Variants in KLHL29 observed in about 807,000 individuals in gnomAD.
The protein encoded by KLHL29 is kelch-like protein 29.
In KLHL29, 21 loss-of-function variants were observed where a neutral mutation model predicts 80.4. The ratio of observed to expected loss-of-function variants is 0.26; its 90% CI spans 0.19 to 0.38. The LOEUF (loss-of-function observed/expected upper bound fraction) is 0.38. Among genes scored for constraint, KLHL29 ranks in the 10% least tolerant of loss-of-function variants. The probability of loss-of-function intolerance (pLI) is 1.00; values close to 1 mark genes in which losing one functional copy is unlikely to be tolerated. For synonymous variants in KLHL29, 511 were observed against 526.8 expected (o/e 0.97, Z 0.41); for missense variants, 867 against 1,223.9 (o/e 0.71, Z 4.35).
chr2:23,488,035 G>A (rs186597919), intron 2 of KLHL29, among the ~76,000 whole-genome samples: 82 of 152,264 alleles, frequency 5.4e-4, no homozygotes, highest in African/African-American at 1.6e-3. Flanking sequence ...TGGCAGATGC[G>A]TGGCAAGACA....
At chr2:23,614,305 G>A (rs1005027614) in intron 3 of KLHL29, among the ~76,000 whole-genome samples, 25 of 152,292 alleles carry the variant, frequency 1.6e-4, no homozygotes, top group African/African-American at 4.6e-4. Flanking sequence ...TCCTGAGGCC[G>A]TGTCACTGGC....
chr2:23,566,195 G>C (rs554885691), intron 3 of KLHL29, among the ~76,000 whole-genome samples: 123 of 152,366 alleles, frequency 8.1e-4, no homozygotes, highest in Middle Eastern at 6.8e-3. Flanking sequence ...AGACTCCTGG[G>C]CTGCTGAAGT....
At chr2:23,572,346 G>A (rs1490965658) in intron 3 of KLHL29, among the ~76,000 whole-genome samples, 2 of 152,118 alleles carry the variant, frequency 1.3e-5, no homozygotes, top group Non-Finnish European at 2.9e-5. Flanking sequence ...GAGCCTAAAG[G>A]TTACCACCCC....
At chr2:23,402,207 C>G (rs1201021839) in intron 1 of KLHL29, among the ~76,000 whole-genome samples, 1 of 152,162 alleles carries the variant, frequency 6.6e-6, no homozygotes, top group African/African-American at 2.4e-5. Flanking sequence ...GAGCCCAGTG[C>G]TGTTTCACAC....
chr2:23,624,418 CA>C (rs1373833135), intron 3 of KLHL29, among the ~76,000 whole-genome samples: 2 of 152,158 alleles, frequency 1.3e-5, no homozygotes, highest in Non-Finnish European at 2.9e-5. Context: ...TGCTGATATC[CA>C]CCAATTACCT....
chr2:23,439,043 G>A (rs1471068861), intron 1 of KLHL29, among the ~76,000 whole-genome samples: 1 of 149,484 alleles, frequency 6.7e-6, no homozygotes, highest in Non-Finnish European at 1.5e-5. Context: ...TCTTGGGAGA[G>A]TGTATGTGTC....
At chr2:23,688,696 A>G (rs1294641454) in intron 6 of KLHL29, 1 of 151,668 alleles carries the variant, frequency 6.6e-6, no homozygotes, top group East Asian at 2.0e-4. Context: ...CCCTCACTCT[A>G]TACCCCACCC....
chr2:23,542,972 A>G (rs928350715), intron 2 of KLHL29, among the ~76,000 whole-genome samples: 1 of 152,166 alleles, frequency 6.6e-6, no homozygotes, highest in Non-Finnish European at 1.5e-5. Context: ...GGGGCAGGCT[A>G]ACTATTGGAA....
chr2:23,609,701 C>T (rs142617155), intron 3 of KLHL29, among the ~76,000 whole-genome samples: 86 of 152,138 alleles, frequency 5.7e-4, no homozygotes, highest in African/African-American at 1.9e-3. Flanking sequence ...ATACATAATA[C>T]GCTCTTACCA....
intron 2 of KLHL29, among the ~76,000 whole-genome samples, chr2:23,515,980 G>T (rs565749754): frequency 1.3e-5 from 2 of 152,286 alleles, no homozygotes; most frequent in Admixed American, 1.3e-4. Flanking sequence ...AAAGATAAAT[G>T]AATCAATTTT....
At chr2:23,460,830 G>A (rs1209747842) in intron 1 of KLHL29, among the ~76,000 whole-genome samples, 1 of 152,026 alleles carries the variant, frequency 6.6e-6, no homozygotes, top group Non-Finnish European at 1.5e-5. Context: ...CCCGTGAAGG[G>A]AGCATCGTGC....
In KLHL29 at chr2:23,609,702, G is replaced by A. The variant is rs114268083; in HGVS notation, c.286-29437G>A. Among the ~76,000 whole-genome samples the A allele has an allele frequency of 4.6e-3, 704 of 152,180 alleles. 3 individuals are homozygous for A. Among genetic ancestry groups the A allele is most frequent in the African/African-American group, 0.015 (640 of 41,522 alleles). Reference sequence around the variant, plus strand: ...AATAATGATGACAAATACATAATACGCTCTTACCATGTGCCAGAGCCTACT... The same window carrying A: ...AATAATGATGACAAATACATAATACACTCTTACCATGTGCCAGAGCCTACT... On this transcript the variant is annotated intron_variant, in intron 3 of 13. Coordinates refer to ENST00000486442, the MANE Select transcript of KLHL29 (RefSeq NM_052920.2).
intron 2 of KLHL29, among the ~76,000 whole-genome samples, chr2:23,480,258 G>A (rs989776427): frequency 6.6e-6 from 1 of 152,302 alleles, no homozygotes; most frequent in South Asian, 2.1e-4. Flanking sequence ...AGGCCGAGGT[G>A]GGCGGATCAC....
At chr2:23,636,515 C>G in intron 3 of KLHL29, among the ~76,000 whole-genome samples, 1 of 152,250 alleles carries the variant, frequency 6.6e-6, no homozygotes, top group Non-Finnish European at 1.5e-5. Context: ...TAGCCCACTT[C>G]GCCTGCTCAC....
At chr2:23,448,723 G>A (rs147015155) in intron 1 of KLHL29, among the ~76,000 whole-genome samples, 9 of 152,264 alleles carry the variant, frequency 5.9e-5, no homozygotes, top group African/African-American at 1.9e-4. Flanking sequence ...CTTCAGAGTT[G>A]GCATGCCTTT....
At chr2:23,441,682 A>G (rs184586027) in intron 1 of KLHL29, among the ~76,000 whole-genome samples, 1 of 152,252 alleles carries the variant, frequency 6.6e-6, no homozygotes, top group East Asian at 1.9e-4. Context: ...CACTCACATG[A>G]CTAGAAAGTT....
At chr2:23,521,326 C>T (rs934323506) in intron 2 of KLHL29, among the ~76,000 whole-genome samples, 2 of 152,208 alleles carry the variant, frequency 1.3e-5, no homozygotes, top group Admixed American at 6.5e-5. Flanking sequence ...ACATGGCACC[C>T]TTGGAGGCGA....
chr2:23,428,222 G>A (rs1663059293), intron 1 of KLHL29, among the ~76,000 whole-genome samples: 1 of 152,218 alleles, frequency 6.6e-6, no homozygotes, highest in African/African-American at 2.4e-5. Flanking sequence ...GGCAGGTCTA[G>A]GAATCTGCAT....
At chr2:23,635,499 C>T (rs778642781) in intron 3 of KLHL29, among the ~76,000 whole-genome samples, 4 of 152,324 alleles carry the variant, frequency 2.6e-5, no homozygotes, top group Non-Finnish European at 5.9e-5. Flanking sequence ...CTCTGCGCTG[C>T]CTCACGGAGA....
Sources: gnomAD v4.1 joint callset for allele counts (sites outside exome capture counted in the v4.1 genomes callset) on GRCh38, gnomAD v4.1.1 for gene constraint, MANE v1.5 for transcripts, NCBI Gene and HGNC (gene_info 2026-07-23, HGNC 2026-07-21) for gene names.